The following ZNF717 variants were observed in gnomAD, a reference collection of about 807,000 sequenced individuals.
ZNF717 encodes the protein krueppel-like factor X17.
In ZNF717, 9 loss-of-function variants were observed where a neutral mutation model predicts 13.8. That is an observed-to-expected ratio of 0.65 (90% CI 0.39 to 1.14). The LOEUF (loss-of-function observed/expected upper bound fraction) is 1.14, where lower values mean the gene tolerates loss of function less well. Among genes scored for constraint, ZNF717 ranks in the 50% most tolerant of loss-of-function variants. The pLI, the probability that ZNF717 is intolerant of heterozygous loss-of-function variation, is 0.01. For synonymous variants in ZNF717, 327 were observed against 364.1 expected, an observed-to-expected ratio of 0.90 and a Z score of 1.16; for missense variants, 1,040 against 1,080.7, an observed-to-expected ratio of 0.96 and a Z score of 0.53.
chr3:75,738,216 A>ATG lies in ZNF717; in HGVS notation c.1405_1406dup (p.Gln470IlefsTer110). ...GTTTTTCCCCTGTGTGAGTTCTCTG[A>ATG]TGTAACCTGAGGTTTGACTTATTGA... On this transcript the variant is annotated frameshift_variant, in exon 5 of 5. Coordinates refer to ENST00000652011, the MANE Select transcript of ZNF717 (RefSeq NM_001290208.3). LOFTEE classifies it low-confidence loss of function (END_TRUNC). 6.4e-7 allele frequency: 1 copy of ATG among 1,552,280 alleles called. No homozygotes were observed. The highest frequency in any genetic ancestry group is 8.7e-7 in the Non-Finnish European group (1 of 1,143,784).
At chr3:75,720,051 G>C (rs111502088) in intron 4 of ZNF717, among the ~76,000 whole-genome samples, 1 of 151,644 alleles carries the variant, frequency 6.6e-6, no homozygotes, top group African/African-American at 2.4e-5. Context: ...TACACTCTTG[G>C]TAAGAATGTA....
intron 5 of ZNF717, among the ~76,000 whole-genome samples, chr3:75,716,045 A>G (rs1166446128): frequency 2.0e-5 from 3 of 151,014 alleles, no homozygotes; most frequent in Non-Finnish European, 4.4e-5. Context: ...ATCTCGGCTC[A>G]CTGCAACCTC....
intron 2 of ZNF717, among the ~76,000 whole-genome samples, chr3:75,776,721 A>G (rs1386025269): frequency 2.6e-5 from 4 of 152,240 alleles, no homozygotes; most frequent in Admixed American, 2.6e-4. Flanking sequence ...GGTAAAGCTA[A>G]CAAGGACAGT....
At chr3:75,749,962 G>T (rs1396592025) in intron 2 of ZNF717, among the ~76,000 whole-genome samples, 1 of 150,906 alleles carries the variant, frequency 6.6e-6, no homozygotes, top group South Asian at 2.1e-4. Context: ...CTGCTACGAG[G>T]GTCTGAATGT....
rs1553659756 is a variant in ZNF717, at chr3:75,737,571, A to G, written c.2052T>C (p.Phe684=). Residue 684 remains phenylalanine, a synonymous_variant, in exon 5 of 5, where the codon TTT becomes TTC. Transcript: ENST00000652011. ...TGTATAATAAGGTATGATTTCTGACAAAAAGTTTTTCCACATTCATTACAT... is the reference window on the plus strand; with the variant it reads ...TGTATAATAAGGTATGATTTCTGACGAAAAGTTTTTCCACATTCATTACAT... ...RMDVMNVEKL[F]VRNHTLLYIR... is the part of the protein sequence containing the mutation. The G allele has an allele frequency of 1.3e-5, 20 of 1,544,772 alleles. No individual in the cohort carries two copies. The highest frequency in any genetic ancestry group is 1.8e-5 in the Non-Finnish European group (20 of 1,142,514).
At chr3:75,734,817 ATT>A (rs545474632), downstream of ZNF717, among the ~76,000 whole-genome samples, 125 of 57,408 alleles carry the variant, frequency 2.2e-3, no homozygotes, top group African/African-American at 5.2e-3. Context: ...ATATATATAT[ATT>A]TTTTTTTTTT....
In ZNF717 at chr3:75,737,883, T is replaced by G. The variant is rs763817112; in HGVS notation, c.1740A>C (p.Ile580=). Residue 580 remains isoleucine, a synonymous_variant, in exon 5 of 5, where the codon ATA becomes ATC. Transcript: ENST00000652011. ...TTTTGCCAGCATGAGTTCTCTGATG[T>G]ATAGTTAGGAATGACTTACAGTGAA... ...KSFHCKSFLT[I]HQRTHAGKKP... is the part of the protein sequence containing the mutation. 2.3e-5 allele frequency: 35 copies of G among 1,547,132 alleles called. No individual in the cohort carries two copies. Among genetic ancestry groups the G allele is most frequent in the Non-Finnish European group, 1.9e-5 (22 of 1,144,006 alleles).
At chr3:75,751,652 G>C in intron 2 of ZNF717, among the ~76,000 whole-genome samples, 1 of 148,658 alleles carries the variant, frequency 6.7e-6, no homozygotes, top group Admixed American at 6.7e-5. Context: ...GTGAATGTTT[G>C]TCCCTCACAT....
At chr3:75,747,798 A>G (rs1486822486) in intron 2 of ZNF717, among the ~76,000 whole-genome samples, 7 of 152,304 alleles carry the variant, frequency 4.6e-5, no homozygotes, top group African/African-American at 1.4e-4. Flanking sequence ...CAAACATGTC[A>G]TCTGCAAACA....
At chr3:75,776,745 G>A (rs1194024596) in intron 2 of ZNF717, among the ~76,000 whole-genome samples, 1 of 152,232 alleles carries the variant, frequency 6.6e-6, no homozygotes, top group Non-Finnish European at 1.5e-5. Context: ...TCCCCCAGAA[G>A]AAGATGGCAT....
At chr3:75,723,441 C>T in intron 4 of ZNF717, among the ~76,000 whole-genome samples, 1 of 151,816 alleles carries the variant, frequency 6.6e-6, no homozygotes, top group Admixed American at 6.6e-5. Flanking sequence ...AAGAGCTGTT[C>T]CAGTGTAATA....
chr3:75,707,608 C>G (rs1937832418), downstream of ZNF717, among the ~76,000 whole-genome samples: 1 of 152,262 alleles, frequency 6.6e-6, no homozygotes, highest in South Asian at 2.1e-4. Context: ...GGGTGCAGGA[C>G]AGTGGGTGCA....
chr3:75,758,205 T>C (rs900862310), intron 2 of ZNF717, among the ~76,000 whole-genome samples: 1 of 151,268 alleles, frequency 6.6e-6, no homozygotes, highest in Non-Finnish European at 1.5e-5. Context: ...ACGACTTCTG[T>C]GGAGGAAGTA....
chr3:75,770,961 C>G (rs1448653495), intron 2 of ZNF717, among the ~76,000 whole-genome samples: 1 of 152,170 alleles, frequency 6.6e-6, no homozygotes, highest in Non-Finnish European at 1.5e-5. Context: ...AGAAAAAGAA[C>G]TGTCAGTGAG....
chr3:75,721,319 T>C (rs1938160923), intron 4 of ZNF717, among the ~76,000 whole-genome samples: 2 of 152,344 alleles, frequency 1.3e-5, no homozygotes, highest in African/African-American at 4.8e-5. Flanking sequence ...TCTTGCTCTG[T>C]CACCCAGACT....
In ZNF717 at chr3:75,736,528, A is replaced by C. The variant is rs2106997004; in HGVS notation, c.*350T>G. ...TCTGAGTGGTCCACATAGAAGATCAAACCAGCCCCAACATTCCCTTGAGAC... is the reference window on the plus strand; with the variant it reads ...TCTGAGTGGTCCACATAGAAGATCACACCAGCCCCAACATTCCCTTGAGAC... On this transcript the variant is annotated 3_prime_UTR_variant, in exon 5 of 5. Coordinates refer to ENST00000652011, the MANE Select transcript of ZNF717 (RefSeq NM_001290208.3). The C allele has an allele frequency of 4.0e-6, 1 of 248,942 alleles. No homozygotes were observed. Among genetic ancestry groups the C allele is most frequent in the East Asian group, 8.4e-5 (1 of 11,952 alleles). The allele number at this position is 248,942 out of a possible 1,614,324, so 15.4% of individuals were successfully genotyped here.
intron 2 of ZNF717, among the ~76,000 whole-genome samples, chr3:75,771,111 G>A (rs184648085): frequency 1.8e-3 from 273 of 152,336 alleles, no homozygotes; most frequent in African/African-American, 5.9e-3. Context: ...GTATGTGCCT[G>A]TAACAACAGC....
At chr3:75,718,753 C>T (rs1339799825) in intron 4 of ZNF717, among the ~76,000 whole-genome samples, 1 of 152,052 alleles carries the variant, frequency 6.6e-6, no homozygotes, top group Non-Finnish European at 1.5e-5. Flanking sequence ...CTATGAGAAT[C>T]GAATGCTGCA....
At chr3:75,735,635 T>TAAAAAA (rs149366090), downstream of ZNF717, among the ~76,000 whole-genome samples, 8 of 79,844 alleles carry the variant, frequency 1.0e-4, no homozygotes, top group Admixed American at 2.6e-4. Flanking sequence ...ACTGTCTCAA[T>TAAAAAA]AAAAAAAAAA....
Sources: allele counts gnomAD v4.1 joint callset (sites outside exome capture counted in the v4.1 genomes callset), GRCh38; gene constraint gnomAD v4.1.1; transcripts MANE v1.5; gene names NCBI Gene and HGNC (gene_info 2026-07-23, HGNC 2026-07-21).